The following SRPX variants were observed in gnomAD, a reference collection of about 807,000 sequenced individuals.
The protein encoded by SRPX is sushi repeat-containing protein SRPX.
A neutral mutation model predicts 38.1 loss-of-function variants in SRPX; 24 were observed. The ratio of observed to expected loss-of-function variants is 0.63; its 90% CI spans 0.46 to 0.89. The LOEUF is 0.89. SRPX is among the 40% of genes least tolerant of loss of function. SRPX has a pLI of 0.00. For missense variants in SRPX, 416 were observed against 377.8 expected (o/e 1.10, Z -0.84); for synonymous variants, 184 against 153.8 (o/e 1.20, Z -1.45).
chrX:38,178,194 G>C (rs916706013), intron 2 of SRPX, 91 bp downstream of exon 2: 1 of 615,160 alleles, frequency 1.6e-6, no homozygotes, highest in Non-Finnish European at 2.6e-6. Context: ...TGTGTTGTCT[G>C]GTCACTTTAT....
At chrX:38,200,338 T>C (rs1258883000) in intron 1 of SRPX, among the ~76,000 whole-genome samples, 3 of 112,579 alleles carry the variant, frequency 2.7e-5, no homozygotes, top group Non-Finnish European at 5.6e-5. Context: ...AATAGCCTCA[T>C]CTGAAAGATC....
chrX:38,153,309 T>C (rs1376923344), intron 9 of SRPX, among the ~76,000 whole-genome samples: 2 of 96,506 alleles, frequency 2.1e-5, no homozygotes, highest in South Asian at 5.0e-4. Flanking sequence ...TTTCTTTTTT[T>C]TTTTTTTTTT....
chrX:38,166,468 A>G (rs1036861933), intron 4 of SRPX, among the ~76,000 whole-genome samples: 1 of 112,154 alleles, frequency 8.9e-6, no homozygotes, highest in African/African-American at 3.2e-5. Flanking sequence ...ATTAAAAGGT[A>G]GAAATAATAC....
intron 1 of SRPX, among the ~76,000 whole-genome samples, chrX:38,219,533 C>CT (rs1207946213): frequency 6.3e-5 from 7 of 111,739 alleles, no homozygotes; most frequent in African/African-American, 2.0e-4. Flanking sequence ...CAGCTTAAAA[C>CT]TTAAGAGTCA....
intron 1 of SRPX, among the ~76,000 whole-genome samples, chrX:38,179,511 G>A (rs148637497): frequency 0.01 from 1,140 of 111,645 alleles, 7 homozygotes; most frequent in Middle Eastern, 0.028. Context: ...TCTTGGTCAC[G>A]CATTTAGTTG....
intron 1 of SRPX, among the ~76,000 whole-genome samples, chrX:38,211,534 T>C (rs1939320171): frequency 9.0e-6 from 1 of 110,985 alleles, no homozygotes; most frequent in African/African-American, 3.3e-5. Flanking sequence ...ACCCCATCTA[T>C]ACTAAAAACA....
At chrX:38,178,242 T>C in intron 2 of SRPX, 43 bp downstream of exon 2, 1 of 1,108,157 alleles carries the variant, frequency 9.0e-7, no homozygotes, top group Non-Finnish European at 1.2e-6. Context: ...AAAGTTCTCC[T>C]GGCACCAGCA....
intron 1 of SRPX, among the ~76,000 whole-genome samples, chrX:38,217,845 G>A (rs1377241848): frequency 8.9e-6 from 1 of 112,074 alleles, no homozygotes; most frequent in Non-Finnish European, 1.9e-5. Context: ...CCAAATCTGC[G>A]AAATGAGTAG....
intron 1 of SRPX, among the ~76,000 whole-genome samples, chrX:38,200,100 G>A (rs926233955): frequency 1.3e-4 from 15 of 112,129 alleles, no homozygotes; most frequent in African/African-American, 4.2e-4. Context: ...AGAATAGAAA[G>A]CTGAGCCAAA....
intron 1 of SRPX, among the ~76,000 whole-genome samples, chrX:38,209,859 A>G (rs888209034): frequency 8.9e-6 from 1 of 112,126 alleles, no homozygotes; most frequent in African/African-American, 3.2e-5. Flanking sequence ...ATTGCTAGAG[A>G]GACAGATGTG....
At chrX:38,186,990 G>T (rs1262812571) in intron 1 of SRPX, among the ~76,000 whole-genome samples, 1 of 111,001 alleles carries the variant, frequency 9.0e-6, no homozygotes, top group East Asian at 2.8e-4. Context: ...TTGCTTCTAG[G>T]AAACCAAGCT....
intron 1 of SRPX, among the ~76,000 whole-genome samples, chrX:38,208,372 G>A (rs1041105325): frequency 9.0e-6 from 1 of 111,684 alleles, no homozygotes; most frequent in African/African-American, 3.3e-5. Flanking sequence ...TAACACCATG[G>A]ACTAGTTTTG....
intron 4 of SRPX, among the ~76,000 whole-genome samples, chrX:38,168,317 G>C (rs935249422): frequency 7.2e-5 from 8 of 111,357 alleles, no homozygotes. Context: ...CATGTAATCA[G>C]GATGAGAAAT....
At chrX:38,166,935 A>G (rs1412263430) in intron 4 of SRPX, among the ~76,000 whole-genome samples, 3 of 111,938 alleles carry the variant, frequency 2.7e-5, no homozygotes, top group Non-Finnish European at 5.6e-5. Flanking sequence ...AGTTTCCCAA[A>G]GCCAGCTTAT....
At position 38,149,651 on chromosome X, in the gene SRPX, C is replaced by G; in HGVS notation, c.*60G>C. The G allele has an allele frequency of 9.6e-7, 1 of 1,047,019 alleles. No homozygotes were observed. The highest frequency in any genetic ancestry group is 1.3e-6 in the Non-Finnish European group (1 of 782,877). The allele number at this position is 1,047,019 out of a possible 1,213,427, so 86.3% of individuals were successfully genotyped here. On this transcript the variant is annotated 3_prime_UTR_variant, in exon 10 of 10. Transcript: ENST00000378533. ...ACATCAAGGATATTTTTAAGGCTTTCCCGTGTGCATGTCACTATGTAGACA... is the reference window on the plus strand; with the variant it reads ...ACATCAAGGATATTTTTAAGGCTTTGCCGTGTGCATGTCACTATGTAGACA...
intron 1 of SRPX, among the ~76,000 whole-genome samples, chrX:38,188,194 A>G (rs1938823415): frequency 8.9e-6 from 1 of 112,300 alleles, no homozygotes; most frequent in East Asian, 2.8e-4. Context: ...AAAGGGATCC[A>G]GAAAGATTAG....
chrX:38,175,192 T>A lies in SRPX; in HGVS notation c.158-841A>T, dbSNP rs764055925. On this transcript the variant is annotated intron_variant, in intron 2 of 9. Transcript: ENST00000378533. ...GTGGATAAGTTCCTACAGCAGCCAC[T>A]GCCCCATTGTCCCACAATTGATGGG... 8.0e-5 allele frequency among the ~76,000 whole-genome samples: 9 copies of A among 112,151 alleles called. No homozygotes were observed. In the South Asian group the frequency reaches 1.9e-3, roughly 24 times the overall value.
intron 1 of SRPX, among the ~76,000 whole-genome samples, chrX:38,198,630 G>T (rs1363398907): frequency 1.8e-5 from 2 of 111,773 alleles, no homozygotes; most frequent in Non-Finnish European, 3.8e-5. Context: ...TGCTTCTTTT[G>T]AAGTAGGATT....
intron 5 of SRPX, among the ~76,000 whole-genome samples, chrX:38,164,297 C>T (rs750910134): frequency 6.4e-5 from 7 of 110,168 alleles, no homozygotes; most frequent in African/African-American, 2.0e-4. Context: ...TGTGTGCCAC[C>T]ATGCCTGGCT....
Sources: allele counts gnomAD v4.1 joint callset (sites outside exome capture counted in the v4.1 genomes callset), GRCh38; gene constraint gnomAD v4.1.1; transcripts MANE v1.5; gene names NCBI Gene and HGNC (gene_info 2026-07-23, HGNC 2026-07-21).